MCC: variants seen among roughly 807,000 people sequenced by gnomAD.
MCC encodes the protein MCC regulator of Wnt signaling pathway, also known as colorectal mutant cancer protein.
MCC carries 90 observed loss-of-function variants against 116.2 expected under a neutral mutation model. That is an observed-to-expected ratio of 0.77 (90% confidence interval 0.65 to 0.92). The LOEUF (loss-of-function observed/expected upper bound fraction) is 0.92, where lower values mean the gene tolerates loss of function less well. MCC is among the 40% of genes least tolerant of loss of function. MCC has a pLI of 0.00. For synonymous variants in MCC, 578 were observed against 510.5 expected (o/e 1.13, Z -1.78); for missense variants, 1,516 against 1,312.2 (o/e 1.16, Z -2.40).
At chr5:113,359,162 T>C (rs1768485266) in intron 2 of MCC, among the ~76,000 whole-genome samples, 1 of 152,186 alleles carries the variant, frequency 6.6e-6, no homozygotes, top group South Asian at 2.1e-4. Flanking sequence ...ATATATATGT[T>C]ACACATATCC....
chr5:113,049,961 G>C (rs947705858), intron 15 of MCC, among the ~76,000 whole-genome samples: 1 of 152,232 alleles, frequency 6.6e-6, no homozygotes, highest in Non-Finnish European at 1.5e-5. Context: ...AGAGCGATGA[G>C]TGGAGAATAC....
At chr5:113,062,048 G>A (rs1404219861) in intron 14 of MCC, among the ~76,000 whole-genome samples, 2 of 152,206 alleles carry the variant, frequency 1.3e-5, no homozygotes, top group Non-Finnish European at 2.9e-5. Flanking sequence ...TGCCTCGTGT[G>A]TGGTTCTTCC....
Position 113,025,126 on chromosome 5 carries a change from GTGAAAA to G in MCC, c.*2170_*2175del, listed in dbSNP as rs1417741811. ...GCTTCAGCCACATGTTTCTGTGTCA[GTGAAAA>G]TGAAAACTGCCCATTTGATGCCTGC... On this transcript the variant is annotated 3_prime_UTR_variant, in exon 19 of 19. Coordinates refer to ENST00000408903, the MANE Select transcript of MCC (RefSeq NM_001085377.2). 65 of 152,198 alleles carry G rather than the reference GTGAAAA, an allele frequency of 4.3e-4. No homozygotes were observed. The highest frequency in any genetic ancestry group is 1.4e-3 in the African/African-American group (57 of 41,534). The allele number at this position is 152,198 out of a possible 1,614,324, so 9.4% of individuals were successfully genotyped here.
At chr5:113,062,847 T>C (rs1465872575) in intron 14 of MCC, among the ~76,000 whole-genome samples, 1 of 152,104 alleles carries the variant, frequency 6.6e-6, no homozygotes, top group Admixed American at 6.6e-5. Flanking sequence ...AGATGGCGGG[T>C]CCCACCAGGG....
At chr5:113,410,659 G>C (rs1025156864) in intron 1 of MCC, among the ~76,000 whole-genome samples, 1 of 152,114 alleles carries the variant, frequency 6.6e-6, no homozygotes, top group Non-Finnish European at 1.5e-5. Flanking sequence ...TGTGCACAAC[G>C]TGCAGGTTAC....
chr5:113,122,657 C>G, intron 6 of MCC, 27 bp downstream of exon 6: 1 of 1,608,104 alleles, frequency 6.2e-7, no homozygotes. Context: ...CAAACTCTGG[C>G]TTGGTGGCAA....
At chr5:113,289,080 C>T (rs1766377512) in intron 3 of MCC, among the ~76,000 whole-genome samples, 1 of 152,086 alleles carries the variant, frequency 6.6e-6, no homozygotes, top group African/African-American at 2.4e-5. Flanking sequence ...CGCCTACAAT[C>T]CCAACACTTT....
chr5:113,039,553 A>C (rs1452918241), intron 17 of MCC, among the ~76,000 whole-genome samples: 1 of 152,188 alleles, frequency 6.6e-6, no homozygotes, highest in Non-Finnish European at 1.5e-5. Context: ...CTTCAGATAA[A>C]CGAGTGGGCT....
At chr5:113,382,826 G>T (rs1213409155) in intron 2 of MCC, among the ~76,000 whole-genome samples, 2 of 152,110 alleles carry the variant, frequency 1.3e-5, no homozygotes, top group African/African-American at 4.8e-5. Context: ...TAGACAGTAA[G>T]CATCAGAAAC....
chr5:113,258,380 A>T (rs1309443419), intron 3 of MCC, among the ~76,000 whole-genome samples: 1 of 152,234 alleles, frequency 6.6e-6, no homozygotes, highest in African/African-American at 2.4e-5. Flanking sequence ...CCAGACTGGT[A>T]CTGGTCTATG....
intron 17 of MCC, among the ~76,000 whole-genome samples, chr5:113,034,063 C>CT (rs35834150): frequency 0.083 from 11,261 of 136,208 alleles, 552 homozygotes; most frequent in Middle Eastern, 0.11. Flanking sequence ...ATTTTTAAAA[C>CT]TTTTTTTTTT....
chr5:113,286,073 G>C (rs1410091524), intron 3 of MCC, among the ~76,000 whole-genome samples: 4 of 152,212 alleles, frequency 2.6e-5, no homozygotes, highest in Non-Finnish European at 5.9e-5. Context: ...ATATTGACTA[G>C]GTGCTGGCAA....
chr5:113,107,858 C>T (rs898006186), intron 6 of MCC, among the ~76,000 whole-genome samples: 11 of 152,294 alleles, frequency 7.2e-5, no homozygotes, highest in Middle Eastern at 3.4e-3. Flanking sequence ...TGCTGGGTTA[C>T]AGGGAGCAGG....
At chr5:113,053,682 C>G (rs762770030) in intron 15 of MCC, 43 bp downstream of exon 15, 6 of 1,447,216 alleles carry the variant, frequency 4.1e-6, no homozygotes, top group Non-Finnish European at 5.8e-6. Flanking sequence ...TTTAGATTTC[C>G]TCCTGGTGGC....
intron 14 of MCC, among the ~76,000 whole-genome samples, chr5:113,063,287 T>G (rs1364273169): frequency 6.6e-6 from 1 of 152,236 alleles, no homozygotes; most frequent in African/African-American, 2.4e-5. Context: ...GGTTTTGTTC[T>G]GACTCTCCAC....
chr5:113,069,680 TGCCTCAGCCTCCC>T (rs1753895120), intron 12 of MCC, among the ~76,000 whole-genome samples: 4 of 152,300 alleles, frequency 2.6e-5, no homozygotes, highest in African/African-American at 4.8e-5. Context: ...GCCATTATCC[TGCCTCAGCCTCCC>T]GCCTCAGCCT....
chr5:113,178,400 A>T (rs1438374670), intron 3 of MCC, among the ~76,000 whole-genome samples: 1 of 152,172 alleles, frequency 6.6e-6, no homozygotes, highest in Non-Finnish European at 1.5e-5. Context: ...CCAGTAGTTG[A>T]GGTACTAGAA....
At chr5:113,143,517 A>G (rs919179755) in intron 4 of MCC, among the ~76,000 whole-genome samples, 157 bp from the exon 5 acceptor site, 1 of 152,228 alleles carries the variant, frequency 6.6e-6, no homozygotes, top group African/African-American at 2.4e-5. Flanking sequence ...CCCAGGAAAC[A>G]TATCAATGGC....
At chr5:113,352,944 C>G (rs915732612) in intron 2 of MCC, among the ~76,000 whole-genome samples, 1 of 152,240 alleles carries the variant, frequency 6.6e-6, no homozygotes, top group East Asian at 1.9e-4. Context: ...TGGGTTTTGT[C>G]TGACATCTGC....
Sources: allele counts gnomAD v4.1 joint callset (sites outside exome capture counted in the v4.1 genomes callset), GRCh38; gene constraint gnomAD v4.1.1; transcripts MANE v1.5; gene names NCBI Gene and HGNC (gene_info 2026-07-23, HGNC 2026-07-21).